The following EIF3B variants were observed in gnomAD, a reference collection of about 807,000 sequenced individuals.
EIF3B encodes the protein eukaryotic translation initiation factor 3 subunit B, also known as eukaryotic translation initiation factor 3 subunit 9.
In EIF3B, 10 loss-of-function variants were observed where a neutral mutation model predicts 104.6. That is an observed-to-expected ratio of 0.10 (90% CI 0.06 to 0.16). EIF3B has a LOEUF of 0.16. Among genes scored for constraint, EIF3B ranks in the 10% least tolerant of loss-of-function variants. The pLI is 1.00. For missense variants in EIF3B, 1,014 were observed against 1,087.9 expected (o/e 0.93, Z 0.96); for synonymous variants, 542 against 417.2 (o/e 1.30, Z -3.65).
At chr7:2,362,990 C>A in intron 3 of EIF3B, 80 bp from the exon 4 acceptor site, 1 of 1,548,052 alleles carries the variant, frequency 6.5e-7, no homozygotes, top group Non-Finnish European at 8.9e-7. Context: ...AGGAGCACAG[C>A]AGGGCCATGC....
chr7:2,379,539 G>T, intron 18 of EIF3B, 28 bp downstream of exon 18: 2 of 1,413,772 alleles, frequency 1.4e-6, no homozygotes, highest in African/African-American at 1.4e-5. Context: ...GCGCGATGGG[G>T]GTCCTGTTGG....
Position 2,355,434 on chromosome 7 carries a change from G to C in EIF3B, c.499+14G>C, listed in dbSNP as rs530772883. The C allele has an allele frequency of 1.4e-6, 2 of 1,426,698 alleles. No homozygotes were observed. The highest frequency in any genetic ancestry group is 5.2e-5 in the Admixed American group (2 of 38,568). The allele number at this position is 1,426,698 out of a possible 1,614,324, so 88.4% of individuals were successfully genotyped here. On this transcript the variant is annotated intron_variant, in intron 1 of 18. Transcript: ENST00000360876. Reference sequence around the variant, plus strand: ...TGAGCGAGGAAGGTGAGGGCGCCCGGGGCGGGGCTGGCGAGCGGCGCGGGA... The same window carrying C: ...TGAGCGAGGAAGGTGAGGGCGCCCGCGGCGGGGCTGGCGAGCGGCGCGGGA...
rs1780059879 is a variant in EIF3B, at chr7:2,367,007, T to A, written c.1365T>A (p.Gly455=). ...TCCTTTTTTTTGGGCAGTCTATGGG[T>A]CTTTTGGACAAGAAGAGTTTGAAGA... ...TLSIYETPSM[G]LLDKKSLKIS... The change falls in exon 9 of 19, where the codon GGT becomes GGA. Residue 455 remains glycine, a synonymous_variant. Transcript: ENST00000360876. 1 of 1,613,356 alleles carries A rather than the reference T, an allele frequency of 6.2e-7. No individual in the cohort carries two copies. The highest frequency in any genetic ancestry group is 1.3e-5 in the African/African-American group (1 of 74,832).
At chr7:2,372,058 T>C (rs1007655611) in intron 11 of EIF3B, 9 of 532,838 alleles carry the variant, frequency 1.7e-5, no homozygotes, top group Middle Eastern at 9.6e-4. Flanking sequence ...ATAAAAAAAA[T>C]TAGCCAGGTG....
intron 3 of EIF3B, 73 bp from the exon 4 acceptor site, chr7:2,362,997 A>G (rs541329801): frequency 2.7e-5 from 42 of 1,564,016 alleles, no homozygotes; most frequent in Non-Finnish European, 3.5e-5. Context: ...CAGCAGGGCC[A>G]TGCTGGAGCC....
intron 3 of EIF3B, 67 bp from the exon 4 acceptor site, chr7:2,363,003 G>A: frequency 1.9e-6 from 3 of 1,574,600 alleles, no homozygotes; most frequent in Non-Finnish European, 2.6e-6. Flanking sequence ...GGCCATGCTG[G>A]AGCCCCCACG....
intron 16 of EIF3B, 60 bp from the exon 17 acceptor site, chr7:2,379,074 C>G (rs1780851355): frequency 6.7e-7 from 1 of 1,489,828 alleles, no homozygotes; most frequent in Non-Finnish European, 9.3e-7. Flanking sequence ...GGTGTGGGCT[C>G]TTCGCGATGG....
At chr7:2,379,289 C>G (rs1167878607) in intron 17 of EIF3B, 47 bp downstream of exon 17, 6 of 1,571,782 alleles carry the variant, frequency 3.8e-6, no homozygotes, top group African/African-American at 1.4e-5. Context: ...CTTACGCTGC[C>G]CCTGGGCCCT....
chr7:2,378,970 TG>T (rs1172339225), intron 16 of EIF3B, 163 bp from the exon 17 acceptor site: 13 of 747,236 alleles, frequency 1.7e-5, no homozygotes, highest in African/African-American at 5.3e-5. Context: ...GCCTTGTGGG[TG>T]GGGGGCAGCG....
intron 1 of EIF3B, 42 bp downstream of exon 1, chr7:2,355,462 G>A: frequency 7.1e-7 from 1 of 1,402,750 alleles, no homozygotes; most frequent in Non-Finnish European, 9.3e-7. Flanking sequence ...GCGCGGGAGC[G>A]TGGCTGGGGT....
chr7:2,363,816 A>C, intron 5 of EIF3B, 56 bp downstream of exon 5: 1 of 1,561,648 alleles, frequency 6.4e-7, no homozygotes, highest in Non-Finnish European at 8.6e-7. Flanking sequence ...TTTCCTTAAC[A>C]AAGTGGAACT....
chr7:2,375,084 T>A (rs1780560945), intron 13 of EIF3B: 2 of 421,046 alleles, frequency 4.8e-6, no homozygotes, highest in South Asian at 6.5e-5. Context: ...AGAATACCCT[T>A]TTGTTGCTGC....
chr7:2,361,241 A>G (rs1199844626), intron 2 of EIF3B, among the ~76,000 whole-genome samples: 1 of 152,174 alleles, frequency 6.6e-6, no homozygotes, highest in Non-Finnish European at 1.5e-5. Flanking sequence ...TGGGTGACAG[A>G]GCAAGACTCT....
intron 15 of EIF3B, 150 bp downstream of exon 15, chr7:2,377,225 G>A (rs1192634740): frequency 1.8e-6 from 2 of 1,128,340 alleles, no homozygotes; most frequent in Non-Finnish European, 2.4e-6. Flanking sequence ...CAGGAACAGT[G>A]AGAACTGAAT....
chr7:2,366,870 A>G, intron 8 of EIF3B, 129 bp from the exon 9 acceptor site: 1 of 1,011,314 alleles, frequency 9.9e-7, no homozygotes, highest in Non-Finnish European at 1.5e-6. Context: ...GTTCACTGTC[A>G]CGCTCTGTGT....
rs200218143 is a variant in EIF3B, at chr7:2,362,685, G to A, written c.733G>A (p.Asp245Asn). 19 of 1,614,114 alleles carry A rather than the reference G, an allele frequency of 1.2e-5. No individual in the cohort carries two copies. The highest frequency in any genetic ancestry group is 1.6e-5 in the Non-Finnish European group (19 of 1,180,050). ...GTACGCGTCCCCTGCCCACGCTGTGGATGCTGTGAAGAACGCCGACGGCTA... is the reference window on the plus strand; with the variant it reads ...GTACGCGTCCCCTGCCCACGCTGTGAATGCTGTGAAGAACGCCGACGGCTA... ...LEYASPAHAV[D>N]AVKNADGYKL... The change falls in exon 3 of 19, where the codon GAT (aspartate) becomes AAT (asparagine). Residue 245 changes from aspartate to asparagine, a missense_variant. Transcript: ENST00000360876.
chr7:2,377,522 T>TC (rs1780704658), intron 15 of EIF3B, among the ~76,000 whole-genome samples: 1 of 105,146 alleles, frequency 9.5e-6, no homozygotes. Flanking sequence ...TGAATGACCC[T>TC]GGGTGTCAAG....
Position 2,360,701 on chromosome 7 carries a change from C to T in EIF3B, c.500-9C>T, listed in dbSNP as rs1562476827. 6.4e-7 allele frequency: 1 copy of T among 1,569,912 alleles called. No homozygotes were observed. Among genetic ancestry groups the T allele is most frequent in the African/African-American group, 1.4e-5 (1 of 73,512 alleles). On this transcript the variant is annotated splice_polypyrimidine_tract_variant and intron_variant, in intron 1 of 18. Coordinates refer to ENST00000360876, the MANE Select transcript of EIF3B (RefSeq NM_001037283.2). ...AAAAATGATCATTTGAAAAATCTCT[C>T]TTGTTCAGAATTACTGGGAGATGTA... is the stretch of plus-strand genomic sequence containing the variant.
At chr7:2,360,430 C>T (rs778740817) in intron 1 of EIF3B, among the ~76,000 whole-genome samples, 5 of 152,192 alleles carry the variant, frequency 3.3e-5, no homozygotes. Context: ...TTGTTAAAAG[C>T]TTTTCACTGT....
Sources: gnomAD v4.1 joint callset for allele counts (sites outside exome capture counted in the v4.1 genomes callset) on GRCh38, gnomAD v4.1.1 for gene constraint, MANE v1.5 for transcripts, NCBI Gene and HGNC (gene_info 2026-07-23, HGNC 2026-07-21) for gene names.